The following NEGR1 variants were observed in gnomAD, a reference collection of about 807,000 sequenced individuals.
The protein encoded by NEGR1 is IgLON family member 4.
A neutral mutation model predicts 40.9 loss-of-function variants in NEGR1; 10 were observed. The observed-to-expected ratio is 0.24, with a 90% CI of 0.15 to 0.42. NEGR1 has a LOEUF of 0.42. Ranked by LOEUF, NEGR1 falls within the 10% of genes least tolerant of loss-of-function variation. The pLI, the probability that NEGR1 is intolerant of heterozygous loss-of-function variation, is 1.00. For missense variants in NEGR1, 352 were observed against 438.9 expected (o/e 0.80, Z 1.77); for synonymous variants, 185 against 166.8 (o/e 1.11, Z -0.84).
At chr1:71,532,609 C>T (rs1028067053) in intron 6 of NEGR1, among the ~76,000 whole-genome samples, 1 of 151,628 alleles carries the variant, frequency 6.6e-6, no homozygotes, top group African/African-American at 2.4e-5. Context: ...CACCTTGCAA[C>T]TATTCTACAA....
chr1:71,915,712 T>A (rs1286548248), intron 2 of NEGR1, among the ~76,000 whole-genome samples: 2 of 152,172 alleles, frequency 1.3e-5, no homozygotes, highest in Non-Finnish European at 2.9e-5. Context: ...TCCTTTCCAA[T>A]GTGTATGCCT....
intron 6 of NEGR1, among the ~76,000 whole-genome samples, chr1:71,475,062 A>C (rs1646811102): frequency 6.6e-6 from 1 of 152,106 alleles, no homozygotes; most frequent in Non-Finnish European, 1.5e-5. Context: ...GGTTAGAAAA[A>C]ATACAACCTA....
intron 2 of NEGR1, among the ~76,000 whole-genome samples, chr1:71,839,352 A>G (rs1224287101): frequency 6.6e-6 from 1 of 151,538 alleles, no homozygotes; most frequent in Non-Finnish European, 1.5e-5. Context: ...TACAGGGGTG[A>G]GCCACCACAT....
intron 1 of NEGR1, among the ~76,000 whole-genome samples, chr1:72,087,437 A>AT (rs1435043152): frequency 3.9e-4 from 59 of 150,204 alleles, no homozygotes; most frequent in East Asian, 2.9e-3. Flanking sequence ...TCTCAAAAAA[A>AT]AAATATATAT....
At chr1:71,693,452 T>C (rs951057830) in intron 4 of NEGR1, among the ~76,000 whole-genome samples, 3 of 151,660 alleles carry the variant, frequency 2.0e-5, no homozygotes, top group African/African-American at 7.2e-5. Context: ...CATCAGTACA[T>C]CAGTGTACAA....
intron 1 of NEGR1, among the ~76,000 whole-genome samples, chr1:72,229,558 T>C (rs566175405): frequency 9.3e-5 from 14 of 150,482 alleles, no homozygotes; most frequent in Admixed American, 6.7e-4. Flanking sequence ...ATATATAATA[T>C]ATAATTTTCC....
chr1:71,664,698 AC>A (rs1248929548), intron 4 of NEGR1, among the ~76,000 whole-genome samples: 1 of 151,966 alleles, frequency 6.6e-6, no homozygotes, highest in Non-Finnish European at 1.5e-5. Context: ...ATCAGTCAAA[AC>A]CCTCTCAGTG....
At chr1:71,834,617 C>T (rs1021153316) in intron 2 of NEGR1, among the ~76,000 whole-genome samples, 1 of 151,248 alleles carries the variant, frequency 6.6e-6, no homozygotes. Flanking sequence ...TGGGCCCCCA[C>T]TTTCAGAAAA....
At chr1:71,630,859 C>A (rs1417797490) in intron 4 of NEGR1, among the ~76,000 whole-genome samples, 1 of 151,866 alleles carries the variant, frequency 6.6e-6, no homozygotes, top group Non-Finnish European at 1.5e-5. Context: ...TGTCTTTTAA[C>A]ATTTTAATGA....
Position 71,826,045 on chromosome 1 carries a change from G to A in NEGR1, c.410-49748C>T, listed in dbSNP as rs115033777. ...AAAGAAGATGCATGATAGAAGATAC[G>A]CCTCTATCGGCTGTTTGATTTACCA... On this transcript the variant is annotated intron_variant, in intron 2 of 6. Transcript: ENST00000357731. Among the ~76,000 whole-genome samples, 890 of 151,918 alleles carry A rather than the reference G, an allele frequency of 5.9e-3. 7 individuals carry two copies. The highest frequency in any genetic ancestry group is 0.021 in the African/African-American group (854 of 41,498).
intron 4 of NEGR1, among the ~76,000 whole-genome samples, chr1:71,695,531 T>C (rs1653448103): frequency 1.3e-5 from 2 of 151,798 alleles, no homozygotes; most frequent in Non-Finnish European, 3.0e-5. Flanking sequence ...TTTTTCCTAC[T>C]GTTTTCCCTC....
At chr1:71,632,494 C>G (rs996831381) in intron 4 of NEGR1, among the ~76,000 whole-genome samples, 1 of 150,420 alleles carries the variant, frequency 6.6e-6, no homozygotes, top group Non-Finnish European at 1.5e-5. Flanking sequence ...AACTTCTATG[C>G]TATTAGTACT....
At chr1:71,788,864 G>C (rs556814405) in intron 2 of NEGR1, among the ~76,000 whole-genome samples, 9 of 152,122 alleles carry the variant, frequency 5.9e-5, no homozygotes, top group African/African-American at 2.2e-4. Context: ...GACTGACATA[G>C]GTGCTGTTGA....
Position 71,880,769 on chromosome 1 carries a change from C to T in NEGR1, c.409+54310G>A, listed in dbSNP as rs1316636009. On this transcript the variant is annotated intron_variant, in intron 2 of 6. Transcript: ENST00000357731. ...CTCCTCAAAAAAGAGTAAGAGCTTT[C>T]GACCAAAGCTCTATGCTTATAGCTA... Among the ~76,000 whole-genome samples, 6 of 152,016 alleles carry T rather than the reference C, an allele frequency of 3.9e-5. No homozygotes were observed. In the East Asian group the frequency reaches 7.7e-4, roughly 20 times the overall value.
At chr1:72,043,322 T>C (rs1646972282) in intron 1 of NEGR1, among the ~76,000 whole-genome samples, 1 of 151,976 alleles carries the variant, frequency 6.6e-6, no homozygotes, top group South Asian at 2.1e-4. Context: ...AAGTCTTTTC[T>C]GTTTGAAATA....
chr1:71,833,311 G>C (rs1010650125), intron 2 of NEGR1, among the ~76,000 whole-genome samples: 1 of 151,934 alleles, frequency 6.6e-6, no homozygotes, highest in African/African-American at 2.4e-5. Context: ...AAATAGAAAA[G>C]GATTTTGTAA....
intron 2 of NEGR1, among the ~76,000 whole-genome samples, chr1:71,934,268 T>C (rs956022746): frequency 1.3e-5 from 2 of 152,094 alleles, no homozygotes; most frequent in Admixed American, 6.5e-5. Context: ...TAATTAAATT[T>C]TTCTTGAAAA....
intron 4 of NEGR1, among the ~76,000 whole-genome samples, chr1:71,688,772 C>CA: frequency 6.6e-6 from 1 of 152,250 alleles, no homozygotes; most frequent in East Asian, 1.9e-4. Flanking sequence ...GACATGTAAA[C>CA]AAAATGCTAC....
intron 1 of NEGR1, among the ~76,000 whole-genome samples, chr1:71,944,901 C>A (rs183400269): frequency 1.7e-3 from 254 of 152,104 alleles, no homozygotes; most frequent in Non-Finnish European, 2.9e-3. Flanking sequence ...TCTGTCTTCT[C>A]GAGAAAATGG....
Sources: gnomAD v4.1 joint callset for allele counts (sites outside exome capture counted in the v4.1 genomes callset) on GRCh38, gnomAD v4.1.1 for gene constraint, MANE v1.5 for transcripts, NCBI Gene and HGNC (gene_info 2026-07-23, HGNC 2026-07-21) for gene names.